Variants in RAD51B observed in about 807,000 individuals in gnomAD.
RAD51B encodes DNA repair protein RAD51 homolog 2.
Under a neutral mutation model 42.2 loss-of-function variants are expected in RAD51B, and 38 were observed. The ratio of observed to expected loss-of-function variants is 0.90; its 90% CI spans 0.70 to 1.18. The LOEUF (loss-of-function observed/expected upper bound fraction) is 1.18, where lower values mean the gene tolerates loss of function less well. Ranked by LOEUF, RAD51B falls within the 50% of genes most tolerant of loss-of-function variation. The pLI, the probability that RAD51B is intolerant of heterozygous loss-of-function variation, is 0.00. For synonymous variants in RAD51B, 154 were observed against 145.2 expected, an observed-to-expected ratio of 1.06 and a Z score of -0.43; for missense variants, 373 against 400.7, an observed-to-expected ratio of 0.93 and a Z score of 0.59.
intron 7 of RAD51B, among the ~76,000 whole-genome samples, chr14:68,079,831 G>C (rs969990885): frequency 5.3e-5 from 8 of 152,256 alleles, no homozygotes; most frequent in African/African-American, 1.9e-4. Flanking sequence ...TGGCGTATGT[G>C]CGCTCTTGTA....
rs980735395 is a variant in RAD51B, at chr14:67,970,154, C to T, written c.756+82950C>T. Reference sequence around the variant, plus strand: ...GATTATTTCTGACCCTTAACTTACCCAGGGATGTTTTGTGAAATAATAAAG... The same window carrying T: ...GATTATTTCTGACCCTTAACTTACCTAGGGATGTTTTGTGAAATAATAAAG... On this transcript the variant is annotated intron_variant, in intron 7 of 10. Transcript: ENST00000471583. Among the ~76,000 whole-genome samples the T allele has an allele frequency of 6.6e-5, 10 of 152,220 alleles. No homozygotes were observed. In the East Asian group the frequency reaches 1.9e-3, roughly 29 times the overall value.
intron 7 of RAD51B, among the ~76,000 whole-genome samples, chr14:68,241,527 T>TGA (rs1382219852): frequency 1.3e-5 from 2 of 152,082 alleles, no homozygotes; most frequent in Non-Finnish European, 2.9e-5. Flanking sequence ...GGCGACAGAG[T>TGA]GAGACTCCGT....
intron 9 of RAD51B, among the ~76,000 whole-genome samples, chr14:68,457,577 G>C (rs1412765132): frequency 6.6e-6 from 1 of 151,908 alleles, no homozygotes; most frequent in Non-Finnish European, 1.5e-5. Flanking sequence ...CTCTGATTGT[G>C]GTATAATTCA....
At chr14:67,965,552 T>C (rs1315025013) in intron 7 of RAD51B, among the ~76,000 whole-genome samples, 2 of 152,184 alleles carry the variant, frequency 1.3e-5, no homozygotes, top group Non-Finnish European at 2.9e-5. Flanking sequence ...GGATAAAGTC[T>C]AAACTCCTTA....
At chr14:67,990,741 C>G (rs2075282181) in intron 7 of RAD51B, among the ~76,000 whole-genome samples, 1 of 152,132 alleles carries the variant, frequency 6.6e-6, no homozygotes, top group Admixed American at 6.6e-5. Context: ...TATGTTTTAT[C>G]TGTAAGTACT....
At chr14:68,056,040 A>G (rs781658160) in intron 7 of RAD51B, among the ~76,000 whole-genome samples, 23 of 152,202 alleles carry the variant, frequency 1.5e-4, no homozygotes, top group Non-Finnish European at 2.5e-4. Context: ...ATGGTCCTCA[A>G]TGAGATATAA....
intron 10 of RAD51B, among the ~76,000 whole-genome samples, chr14:68,642,896 G>T (rs920820677): frequency 6.6e-6 from 1 of 152,146 alleles, no homozygotes; most frequent in Non-Finnish European, 1.5e-5. Context: ...TAATCTCCAA[G>T]TATTTGGGGA....
At position 68,411,438 on chromosome 14, in the gene RAD51B, A is replaced by G. The variant is rs745680921; in HGVS notation, c.868A>G (p.Ser290Gly). The change falls in exon 9 of 11, where the codon AGC (serine) becomes GGC (glycine). Residue 290 changes from serine (S) to glycine (G), a missense_variant. Coordinates refer to ENST00000471583, the MANE Select transcript of RAD51B (RefSeq NM_133510.4). The stretch of plus-strand genomic sequence containing the variant: ...TTTCATTTCAGGCACTTCTGGATCC[A>G]GCTGTGTGATAGCCGCACTAGGAAA... The part of the protein sequence containing the change: ...LSLSEGTSGS[S>G]CVIAALGNTW... 2.2e-5 allele frequency: 35 copies of G among 1,614,012 alleles called. No homozygotes were observed. In the Admixed American group the frequency reaches 5.2e-4, roughly 24 times the overall value.
At chr14:67,897,202 A>G (rs2043450200) in intron 7 of RAD51B, among the ~76,000 whole-genome samples, 1 of 152,204 alleles carries the variant, frequency 6.6e-6, no homozygotes, top group Non-Finnish European at 1.5e-5. Flanking sequence ...TTTATTGGAT[A>G]TGACAACAAA....
intron 7 of RAD51B, among the ~76,000 whole-genome samples, chr14:68,182,971 C>CT (rs2079083320): frequency 6.6e-6 from 1 of 152,172 alleles, no homozygotes; most frequent in Non-Finnish European, 1.5e-5. Context: ...CTTGTTCCAA[C>CT]TTATGATGTT....
intron 7 of RAD51B, among the ~76,000 whole-genome samples, chr14:68,088,272 TAGAG>T (rs1210323099): frequency 2.0e-5 from 3 of 151,472 alleles, no homozygotes; most frequent in East Asian, 3.9e-4. Flanking sequence ...TCATAGTAAA[TAGAG>T]AGAAAAGAGA....
intron 10 of RAD51B, among the ~76,000 whole-genome samples, chr14:68,546,056 A>G (rs1296181553): frequency 2.0e-5 from 3 of 152,202 alleles, no homozygotes; most frequent in African/African-American, 7.2e-5. Flanking sequence ...CAGGGACCCT[A>G]CTGTATCCAC....
intron 7 of RAD51B, among the ~76,000 whole-genome samples, chr14:68,210,524 AG>A (rs1204652514): frequency 3.9e-5 from 6 of 151,910 alleles, no homozygotes; most frequent in Non-Finnish European, 8.8e-5. Context: ...AGGTTACTTA[AG>A]GGTGATGGAA....
chr14:68,622,867 AG>A (rs1891984890), intron 10 of RAD51B, among the ~76,000 whole-genome samples: 1 of 152,110 alleles, frequency 6.6e-6, no homozygotes, highest in Non-Finnish European at 1.5e-5. Context: ...GAGATCCCGC[AG>A]GGAGTCTTCT....
At chr14:68,610,575 G>A (rs1891636789) in intron 10 of RAD51B, among the ~76,000 whole-genome samples, 1 of 152,222 alleles carries the variant, frequency 6.6e-6, no homozygotes, top group African/African-American at 2.4e-5. Flanking sequence ...CCTGCCATGT[G>A]ATATGTACCT....
At chr14:67,856,742 T>G (rs1037407039) in intron 4 of RAD51B, among the ~76,000 whole-genome samples, 3 of 152,198 alleles carry the variant, frequency 2.0e-5, no homozygotes. Flanking sequence ...ATTTTTACTT[T>G]AGTACAATTA....
At chr14:68,675,513 G>T (rs1451197108) in intron 11 of RAD51B, among the ~76,000 whole-genome samples, 4 of 152,188 alleles carry the variant, frequency 2.6e-5, no homozygotes, top group Admixed American at 1.3e-4. Context: ...GGTTGAACAG[G>T]CCACAGTTCT....
At chr14:68,204,779 T>C (rs536569723) in intron 7 of RAD51B, among the ~76,000 whole-genome samples, 182 of 152,350 alleles carry the variant, frequency 1.2e-3, no homozygotes, top group Admixed American at 3.3e-3. Context: ...TTATTTTTAT[T>C]TGTGCTCTTT....
At chr14:68,502,665 A>G (rs1885005464) in intron 10 of RAD51B, among the ~76,000 whole-genome samples, 1 of 152,350 alleles carries the variant, frequency 6.6e-6, no homozygotes, top group South Asian at 2.1e-4. Flanking sequence ...CGGACTGAAC[A>G]CTGCCTCAAA....
Sources: allele counts gnomAD v4.1 joint callset (sites outside exome capture counted in the v4.1 genomes callset), GRCh38; gene constraint gnomAD v4.1.1; transcripts MANE v1.5; gene names NCBI Gene and HGNC (gene_info 2026-07-23, HGNC 2026-07-21).